The following OTUD7A variants were observed in gnomAD, a reference collection of about 807,000 sequenced individuals.
OTUD7A encodes the protein OTU deubiquitinase 7A, also known as OTU domain-containing protein 7A.
Under a neutral mutation model 65.7 loss-of-function variants are expected in OTUD7A, and 12 were observed. That is an observed-to-expected ratio of 0.18 (90% CI 0.12 to 0.30). The LOEUF is 0.30. Among genes scored for constraint, OTUD7A ranks in the 10% least tolerant of loss-of-function variants. The pLI, the probability that OTUD7A is intolerant of heterozygous loss-of-function variation, is 1.00. For synonymous variants in OTUD7A, 641 were observed against 586.3 expected (o/e 1.09, Z -1.35); for missense variants, 1,148 against 1,304.8 (o/e 0.88, Z 1.85).
chr15:31,712,826 C>G (rs1167980820), intron 1 of OTUD7A, among the ~76,000 whole-genome samples: 2 of 140,444 alleles, frequency 1.4e-5, no homozygotes. Flanking sequence ...CAGTGGCATT[C>G]TAACAGCTTT....
chr15:31,501,748 A>C lies in OTUD7A; in HGVS notation c.1113T>G (p.Asp371Glu). Reference sequence around the variant, plus strand: ...ACACAAGGGCAGAGAAATGGGCTTGATCATAGGCCAGAACCAGAGGCGAGC... The same window carrying C: ...ACACAAGGGCAGAGAAATGGGCTTGCTCATAGGCCAGAACCAGAGGCGAGC... The part of the protein sequence containing the change: ...CHCSPLVLAY[D>E]QAHFSALVSM... Residue 371 changes from aspartate (D) to glutamate (E), a missense_variant, in exon 10 of 13, where the codon GAT becomes GAG. Physicochemically the swap from Asp to Glu is conservative, Grantham distance 45. Coordinates refer to ENST00000307050, the MANE Select transcript of OTUD7A (RefSeq NM_001382637.1). 6.2e-7 allele frequency: 1 copy of C among 1,614,136 alleles called. No individual in the cohort carries two copies. The highest frequency in any genetic ancestry group is 1.1e-5 in the South Asian group (1 of 91,084).
At chr15:31,564,848 T>C (rs1194048973) in intron 4 of OTUD7A, among the ~76,000 whole-genome samples, 1 of 152,166 alleles carries the variant, frequency 6.6e-6, no homozygotes, top group Non-Finnish European at 1.5e-5. Flanking sequence ...GAAAAAATGA[T>C]ATTTCTGGCA....
intron 1 of OTUD7A, chr15:31,766,080 T>C: frequency 6.8e-7 from 1 of 1,473,374 alleles, no homozygotes. Context: ...ATGTCCCCTT[T>C]TTAAGTAGTC....
At chr15:31,588,487 C>T (rs1301118512) in intron 3 of OTUD7A, among the ~76,000 whole-genome samples, 1 of 152,214 alleles carries the variant, frequency 6.6e-6, no homozygotes, top group Admixed American at 6.5e-5. Flanking sequence ...TGACAAATTC[C>T]ATGCCCCTCA....
chr15:31,785,112 T>C (rs545707321), intron 1 of OTUD7A, among the ~76,000 whole-genome samples: 2 of 152,306 alleles, frequency 1.3e-5, no homozygotes, highest in African/African-American at 4.8e-5. Flanking sequence ...ATCTAAACCC[T>C]AAGTACACTT....
rs566805075 is a variant in OTUD7A, at chr15:31,806,793, A to G, written c.-100+63714T>C. Among the ~76,000 whole-genome samples, 5 of 152,386 alleles carry G rather than the reference A, an allele frequency of 3.3e-5. No individual in the cohort carries two copies. The South Asian group carries it at 1.0e-3, about 32-fold the overall frequency. ...CATTTCACAATCCAATATAAATGGT[A>G]AGCAGGAGAACTGAGTATCTCACAG... On this transcript the variant is annotated intron_variant, in intron 1 of 12. Transcript: ENST00000307050.
At chr15:31,567,588 G>C (rs527668151) in intron 4 of OTUD7A, among the ~76,000 whole-genome samples, 2 of 152,358 alleles carry the variant, frequency 1.3e-5, no homozygotes, top group East Asian at 1.9e-4. Flanking sequence ...AGAGATATTT[G>C]CATGACGAAA....
At chr15:31,639,252 T>C (rs1891440885) in intron 3 of OTUD7A, among the ~76,000 whole-genome samples, 1 of 152,174 alleles carries the variant, frequency 6.6e-6, no homozygotes, top group Non-Finnish European at 1.5e-5. Context: ...ATAAGTGGAA[T>C]TGCACAATAT....
intron 1 of OTUD7A, among the ~76,000 whole-genome samples, chr15:31,749,742 A>G (rs561031913): frequency 6.7e-6 from 1 of 149,386 alleles, no homozygotes; most frequent in Non-Finnish European, 1.5e-5. Context: ...AAGGTGTACA[A>G]TTTTTTTTTT....
At chr15:31,580,683 C>T (rs980600868) in intron 3 of OTUD7A, among the ~76,000 whole-genome samples, 2 of 152,112 alleles carry the variant, frequency 1.3e-5, no homozygotes, top group Admixed American at 1.3e-4. Context: ...AGAGCTTGTG[C>T]AGGAGAACTC....
chr15:31,805,641 T>C (rs1272127838), intron 1 of OTUD7A, among the ~76,000 whole-genome samples: 1 of 152,200 alleles, frequency 6.6e-6, no homozygotes, highest in Non-Finnish European at 1.5e-5. Context: ...GACATCACAT[T>C]CAGTGCCTTT....
intron 1 of OTUD7A, among the ~76,000 whole-genome samples, chr15:31,796,192 C>G (rs1375328199): frequency 0.013 from 24 of 1,856 alleles, no homozygotes; most frequent in Non-Finnish European, 0.017. Context: ...TATGCATTAT[C>G]TATCTATCTA....
At chr15:31,719,372 T>C (rs1195364928) in intron 1 of OTUD7A, among the ~76,000 whole-genome samples, 1 of 151,906 alleles carries the variant, frequency 6.6e-6, no homozygotes, top group Non-Finnish European at 1.5e-5. Flanking sequence ...GAGGCTGGTA[T>C]TTCCTTGCAA....
intron 3 of OTUD7A, among the ~76,000 whole-genome samples, chr15:31,576,775 C>T (rs1225911628): frequency 2.6e-5 from 4 of 152,138 alleles, no homozygotes; most frequent in African/African-American, 9.7e-5. Flanking sequence ...TCCTGAAGGG[C>T]ATAAAAGTTA....
chr15:31,710,606 G>C (rs1893417637), intron 1 of OTUD7A, among the ~76,000 whole-genome samples: 1 of 152,184 alleles, frequency 6.6e-6, no homozygotes, highest in African/African-American at 2.4e-5. Context: ...TAAGAAATAA[G>C]AAGAATGTGT....
Position 31,814,067 on chromosome 15 carries a change from G to C in OTUD7A, c.-100+56440C>G, listed in dbSNP as rs141543642. 1.5e-3 allele frequency among the ~76,000 whole-genome samples: 230 copies of C among 152,312 alleles called. 5 individuals are homozygous for C. The East Asian group carries it at 0.024, about 16-fold the overall frequency. ...CTAGGTCACCATGGGGTAACAAATAGACCAGCCGAAACCCTAGTAGCTCAT... is the reference window on the plus strand; with the variant it reads ...CTAGGTCACCATGGGGTAACAAATACACCAGCCGAAACCCTAGTAGCTCAT... On this transcript the variant is annotated intron_variant, in intron 1 of 12. Coordinates refer to ENST00000307050, the MANE Select transcript of OTUD7A (RefSeq NM_001382637.1).
rs2041118782 is a variant in OTUD7A, at chr15:31,481,505, A to G, written c.*1789T>C. The G allele has an allele frequency of 6.6e-6, 1 of 152,242 alleles. No individual in the cohort carries two copies. Among genetic ancestry groups the G allele is most frequent in the Admixed American group, 6.5e-5 (1 of 15,288 alleles). The allele number at this position is 152,242 out of a possible 1,614,324, so 9.4% of individuals were successfully genotyped here. ...ATATTAGGGACATGGATGTTAGTAC[A>G]GTAATTACCACACATTGAAAATATT... On this transcript the variant is annotated 3_prime_UTR_variant, in exon 13 of 13. Coordinates refer to ENST00000307050, the MANE Select transcript of OTUD7A (RefSeq NM_001382637.1).
intron 1 of OTUD7A, among the ~76,000 whole-genome samples, chr15:31,727,143 C>G (rs892176568): frequency 1.7e-4 from 26 of 152,222 alleles, no homozygotes; most frequent in Non-Finnish European, 2.6e-4. Context: ...CCCATCATGT[C>G]CAGCACAAGA....
At chr15:31,792,855 G>A (rs919706301) in intron 1 of OTUD7A, among the ~76,000 whole-genome samples, 1 of 152,184 alleles carries the variant, frequency 6.6e-6, no homozygotes, top group Non-Finnish European at 1.5e-5. Context: ...GAGCTCTTCT[G>A]TGCAGACCCC....
Sources: allele counts gnomAD v4.1 joint callset (sites outside exome capture counted in the v4.1 genomes callset), GRCh38; gene constraint gnomAD v4.1.1; transcripts MANE v1.5; gene names NCBI Gene and HGNC (gene_info 2026-07-23, HGNC 2026-07-21).